The following KDM4B variants were observed in gnomAD, a reference collection of about 807,000 sequenced individuals.
KDM4B encodes lysine-specific demethylase 4B.
KDM4B carries 32 observed loss-of-function variants against 125.2 expected under a neutral mutation model. That is an observed-to-expected ratio of 0.26 (90% confidence interval 0.19 to 0.34). KDM4B has a LOEUF of 0.34. KDM4B is among the 10% of genes least tolerant of loss of function. The probability of loss-of-function intolerance (pLI) is 1.00; values close to 1 mark genes in which losing one functional copy is unlikely to be tolerated. For missense variants in KDM4B, 1,190 were observed against 1,577.7 expected (o/e 0.75, Z 4.16); for synonymous variants, 721 against 677.9 (o/e 1.06, Z -0.99).
intron 9 of KDM4B, among the ~76,000 whole-genome samples, chr19:5,090,382 ATATC>A (rs2038654866): frequency 6.4e-5 from 1 of 15,712 alleles, no homozygotes; most frequent in Admixed American, 6.9e-4. Flanking sequence ...CTCTCCCCCC[ATATC>A]TCTCCCCCTC....
intron 11 of KDM4B, among the ~76,000 whole-genome samples, chr19:5,126,058 A>G (rs986205684): frequency 3.3e-5 from 5 of 152,174 alleles, no homozygotes; most frequent in Non-Finnish European, 7.4e-5. Context: ...CCTAAAAGCT[A>G]TGACGCTGAG....
rs904231873 is a variant in KDM4B, at chr19:5,131,845, G to A, written c.1786-42G>A. 6.2e-6 allele frequency: 10 copies of A among 1,612,128 alleles called. No homozygotes were observed. In the African/African-American group the frequency reaches 9.3e-5, roughly 15 times the overall value. The stretch of plus-strand genomic sequence containing the variant: ...GGCTCCGAGGGAGCCCCACCCAGGG[G>A]TCTGTAGCGGGGCCCTCACTACAGC... On this transcript the variant is annotated intron_variant, in intron 12 of 22. Transcript: ENST00000159111.
At chr19:5,020,191 GTGT>G (rs77614334) in intron 2 of KDM4B, among the ~76,000 whole-genome samples, 37,665 of 145,414 alleles carry the variant, frequency 0.26, 5,964 homozygotes, top group East Asian at 0.67. Context: ...TGGTGTGCAG[GTGT>G]TGGTGTGGAT....
intron 10 of KDM4B, chr19:5,119,321 G>A (rs1387749524): frequency 1.1e-5 from 9 of 832,332 alleles, no homozygotes; most frequent in South Asian, 1.6e-5. Flanking sequence ...TGGCACACGC[G>A]GCTCCTGCCG....
chr19:5,018,192 C>T (rs1247607212), intron 2 of KDM4B, among the ~76,000 whole-genome samples: 1 of 152,196 alleles, frequency 6.6e-6, no homozygotes, highest in Admixed American at 6.5e-5. Context: ...GCATGCACAC[C>T]ACACCTGGCT....
At chr19:5,018,388 A>T (rs2035958469) in intron 2 of KDM4B, among the ~76,000 whole-genome samples, 1 of 152,164 alleles carries the variant, frequency 6.6e-6, no homozygotes, top group Admixed American at 6.5e-5. Flanking sequence ...GAGTGCAGCA[A>T]CCAGGAGGTG....
chr19:5,146,268 G>T (rs1426146623), intron 21 of KDM4B, among the ~76,000 whole-genome samples: 1 of 146,814 alleles, frequency 6.8e-6, no homozygotes, highest in East Asian at 2.1e-4. Flanking sequence ...GGCCGGCCCC[G>T]CCCAGTCACC....
At chr19:5,075,355 C>G (rs2038072457) in intron 7 of KDM4B, 2 of 152,358 alleles carry the variant, frequency 1.3e-5, no homozygotes, top group Admixed American at 1.3e-4. Flanking sequence ...TGGGCCTCAG[C>G]AGCTGCTGCC....
chr19:5,085,467 G>A (rs981454151), intron 9 of KDM4B, among the ~76,000 whole-genome samples: 1 of 152,242 alleles, frequency 6.6e-6, no homozygotes, highest in African/African-American at 2.4e-5. Context: ...TGAAACTGCA[G>A]CGGGGCGGTG....
At chr19:4,983,345 C>A (rs11880633) in intron 1 of KDM4B, among the ~76,000 whole-genome samples, 1 of 152,178 alleles carries the variant, frequency 6.6e-6, no homozygotes, top group African/African-American at 2.4e-5. Context: ...CCCGCCTATC[C>A]CAGGCAGGAC....
At chr19:5,132,073 G>T in intron 13 of KDM4B, 66 bp downstream of exon 13, 1 of 1,489,832 alleles carries the variant, frequency 6.7e-7, no homozygotes, top group Non-Finnish European at 9.0e-7. Flanking sequence ...TGCTGGAGGG[G>T]GGGCCTGGCT....
intron 1 of KDM4B, among the ~76,000 whole-genome samples, chr19:5,015,327 C>T (rs2035859326): frequency 6.6e-6 from 1 of 151,942 alleles, no homozygotes; most frequent in Non-Finnish European, 1.5e-5. Flanking sequence ...TCTCGGCTCA[C>T]TGTAACCTCT....
At chr19:5,135,809 C>T (rs572654679) in intron 15 of KDM4B, among the ~76,000 whole-genome samples, 5 of 152,292 alleles carry the variant, frequency 3.3e-5, no homozygotes, top group Non-Finnish European at 4.4e-5. Flanking sequence ...GCTGGATGAC[C>T]GCATGCCACC....
chr19:5,023,218 C>A lies in KDM4B; in HGVS notation c.-26+6879C>A, dbSNP rs947334554. On this transcript the variant is annotated intron_variant, in intron 2 of 22. Transcript: ENST00000159111. ...AGGGCCTTGAGCTGAGGGAACCTGG[C>A]ACGCGCTGGTGCTCTCTGGAGTAGG... 3.9e-5 allele frequency among the ~76,000 whole-genome samples: 6 copies of A among 152,300 alleles called. No homozygotes were observed. In the East Asian group the frequency reaches 9.7e-4, roughly 25 times the overall value.
At chr19:5,022,908 C>G (rs930718359) in intron 2 of KDM4B, among the ~76,000 whole-genome samples, 1 of 151,834 alleles carries the variant, frequency 6.6e-6, no homozygotes, top group Non-Finnish European at 1.5e-5. Context: ...ACAAGGTATG[C>G]TTATTTCTTT....
At chr19:5,008,474 A>G (rs1210910232) in intron 1 of KDM4B, among the ~76,000 whole-genome samples, 2 of 151,868 alleles carry the variant, frequency 1.3e-5, no homozygotes, top group East Asian at 3.9e-4. Context: ...GAAAAATAAT[A>G]TGGTTCTTAC....
intron 1 of KDM4B, among the ~76,000 whole-genome samples, chr19:5,000,017 C>A (rs1023170774): frequency 1.6e-5 from 2 of 127,562 alleles, no homozygotes; most frequent in Admixed American, 1.6e-4. Context: ...ACCTATCCAT[C>A]TATCCATCCA....
rs377665120 is a variant in KDM4B at position 5,028,869 on chromosome 19, A to G, written c.-25-3997A>G. Among the ~76,000 whole-genome samples, 11 of 152,124 alleles carry G rather than the reference A, an allele frequency of 7.2e-5. 2 individuals carry two copies. The highest frequency in any genetic ancestry group is 2.2e-4 in the African/African-American group (9 of 41,474). ...TCACGTGCTTGTTGGCCATTTGTCT[A>G]CTTTGGAGAGCTGTCTGCCCAAGTC... On this transcript the variant is annotated intron_variant, in intron 2 of 22. Transcript: ENST00000159111.
Position 5,032,873 on chromosome 19 carries a change from T to TC in KDM4B, c.-15dup, listed in dbSNP as rs1190074478. 6.2e-7 allele frequency: 1 copy of TC among 1,613,376 alleles called. No homozygotes were observed. Among genetic ancestry groups the TC allele is most frequent in the Non-Finnish European group, 8.5e-7 (1 of 1,179,640 alleles). On this transcript the variant is annotated 5_prime_UTR_variant, in exon 3 of 23. Coordinates refer to ENST00000159111, the MANE Select transcript of KDM4B (RefSeq NM_015015.3). ...TCTCGTCTTCCTCCACAGGTGTGCT[T>TC]CCCGCACAGCTGCAGCCATGGGGTC... is the stretch of plus-strand genomic sequence containing the variant.
Sources: allele counts gnomAD v4.1 joint callset (sites outside exome capture counted in the v4.1 genomes callset), GRCh38; gene constraint gnomAD v4.1.1; transcripts MANE v1.5; gene names NCBI Gene and HGNC (gene_info 2026-07-23, HGNC 2026-07-21).